ALG14: variants seen among roughly 807,000 people sequenced by gnomAD.
The protein encoded by ALG14 is ALG14 UDP-N-acetylglucosaminyltransferase subunit.
In ALG14, 17 loss-of-function variants were observed where a neutral mutation model predicts 22.8. That is an observed-to-expected ratio of 0.75 (90% CI 0.51 to 1.12). The LOEUF (loss-of-function observed/expected upper bound fraction) is 1.12, where lower values mean the gene tolerates loss of function less well. ALG14 is among the 50% of genes most tolerant of loss of function. The probability of loss-of-function intolerance (pLI) is 0.00; values close to 1 mark genes in which losing one functional copy is unlikely to be tolerated. For missense variants in ALG14, 288 were observed against 271.8 expected (o/e 1.06, Z -0.42); for synonymous variants, 89 against 103.7 (o/e 0.86, Z 0.86).
chr1:95,019,665 A>C (rs866431223), intron 3 of ALG14, among the ~76,000 whole-genome samples: 2 of 152,142 alleles, frequency 1.3e-5, no homozygotes, highest in African/African-American at 4.8e-5. Context: ...TGGAATTTCA[A>C]ATTGCATGCT....
chr1:95,005,775 T>C (rs1470913124), intron 3 of ALG14, among the ~76,000 whole-genome samples: 1 of 152,174 alleles, frequency 6.6e-6, no homozygotes, highest in Non-Finnish European at 1.5e-5. Context: ...GGGATTTGTG[T>C]TTGTTATGGT....
chr1:95,068,136 G>A (rs1050841050), intron 1 of ALG14, among the ~76,000 whole-genome samples: 55 of 152,272 alleles, frequency 3.6e-4, no homozygotes, highest in African/African-American at 1.3e-3. Flanking sequence ...GCAGGGATTT[G>A]TGTTTGTTAC....
At chr1:95,012,163 GA>G (rs1471875423) in intron 3 of ALG14, among the ~76,000 whole-genome samples, 1 of 152,142 alleles carries the variant, frequency 6.6e-6, no homozygotes, top group Non-Finnish European at 1.5e-5. Context: ...CAGCTACATG[GA>G]ACTGTGAGTC....
chr1:95,056,106 C>G (rs1418210649), intron 2 of ALG14, among the ~76,000 whole-genome samples: 1 of 151,246 alleles, frequency 6.6e-6, no homozygotes, highest in African/African-American at 2.4e-5. Flanking sequence ...ACAAACAAAC[C>G]AGTTAACAGA....
At chr1:95,024,006 A>G (rs1673740741) in intron 3 of ALG14, among the ~76,000 whole-genome samples, 1 of 152,238 alleles carries the variant, frequency 6.6e-6, no homozygotes, top group Non-Finnish European at 1.5e-5. Context: ...TTTTTCCCCC[A>G]ACATAAGCAG....
At chr1:95,033,420 T>TATACACAC (rs1553229109) in intron 2 of ALG14, among the ~76,000 whole-genome samples, 47 of 139,666 alleles carry the variant, frequency 3.4e-4, no homozygotes, top group African/African-American at 5.7e-4. Flanking sequence ...TATATATATA[T>TATACACAC]ACACACACAC....
In ALG14 at chr1:95,009,170, G is replaced by A. The variant is rs556231033; in HGVS notation, c.420+17959C>T. On this transcript the variant is annotated intron_variant, in intron 3 of 3. Transcript: ENST00000370205. The stretch of plus-strand genomic sequence containing the variant: ...TCAGTTCTTTTGAGTATATGCCTAG[G>A]AGTAAATTTGCTGGATCATATGGTA... 2.6e-5 allele frequency among the ~76,000 whole-genome samples: 4 copies of A among 151,632 alleles called. No homozygotes were observed. The East Asian group carries it at 7.7e-4, about 29-fold the overall frequency.
chr1:95,007,560 T>C (rs1213455098), intron 3 of ALG14, among the ~76,000 whole-genome samples: 1 of 152,220 alleles, frequency 6.6e-6, no homozygotes, highest in Non-Finnish European at 1.5e-5. Flanking sequence ...AGGCCCCTGA[T>C]TTTTCATCCC....
At chr1:95,053,284 A>G (rs1414473545) in intron 2 of ALG14, among the ~76,000 whole-genome samples, 1 of 152,176 alleles carries the variant, frequency 6.6e-6, no homozygotes, top group East Asian at 1.9e-4. Flanking sequence ...TTTTTTTTAA[A>G]AAAAGCATTA....
At chr1:95,025,623 A>G (rs1673789838) in intron 3 of ALG14, among the ~76,000 whole-genome samples, 1 of 152,224 alleles carries the variant, frequency 6.6e-6, no homozygotes, top group South Asian at 2.1e-4. Context: ...TATCTTAACT[A>G]GATTTTCTGG....
intron 3 of ALG14, among the ~76,000 whole-genome samples, chr1:95,001,039 C>A (rs576721652): frequency 6.6e-6 from 1 of 152,268 alleles, no homozygotes; most frequent in African/African-American, 2.4e-5. Context: ...AACAGGCTTG[C>A]AATATTTATT....
intron 1 of ALG14, among the ~76,000 whole-genome samples, chr1:95,070,882 C>T (rs1328302288): frequency 6.6e-6 from 1 of 152,082 alleles, no homozygotes; most frequent in Non-Finnish European, 1.5e-5. Context: ...ACTATAGGTG[C>T]ATGCCACCAC....
At chr1:95,023,153 G>A (rs1280350310) in intron 3 of ALG14, among the ~76,000 whole-genome samples, 1 of 151,262 alleles carries the variant, frequency 6.6e-6, no homozygotes, top group Non-Finnish European at 1.5e-5. Context: ...TTTTGAGACG[G>A]AGTCTTACTC....
rs182468471 is a variant in ALG14 at position 95,012,655 on chromosome 1, T to C, written c.420+14474A>G. On this transcript the variant is annotated intron_variant, in intron 3 of 3. Coordinates refer to ENST00000370205, the MANE Select transcript of ALG14 (RefSeq NM_144988.4). ...TCTCCTTGAGAACATCTGTGGTCCA[T>C]GGTCAACGGGACCTGTTCCAGGAGC... Among the ~76,000 whole-genome samples, 461 of 152,336 alleles carry C rather than the reference T, an allele frequency of 3.0e-3. 1 individual carries two copies. The highest frequency in any genetic ancestry group is 0.011 in the African/African-American group (446 of 41,576).
chr1:94,983,257 A>G lies in ALG14; in HGVS notation c.470T>C (p.Leu157Pro), dbSNP rs1203718866. ...CTTTATTCCTAGTATCCCAAGGAGA[A>G]GGGCAGATACACAGATAGGAACACA... ...GTCVPICVSA[L>P]LLGILGIKKV... The change falls in exon 4 of 4, where the codon CTT (leucine) becomes CCT (proline). Residue 157 changes from leucine (L) to proline (P), a missense_variant. Transcript: ENST00000370205. 2.5e-6 allele frequency: 4 copies of G among 1,614,056 alleles called. No homozygotes were observed. The highest frequency in any genetic ancestry group is 1.7e-6 in the Non-Finnish European group (2 of 1,180,028).
intron 3 of ALG14, among the ~76,000 whole-genome samples, chr1:94,987,844 A>T (rs908201718): frequency 4.6e-5 from 7 of 152,210 alleles, no homozygotes; most frequent in Non-Finnish European, 8.8e-5. Context: ...AGAGCATATG[A>T]AGGTAAGACT....
At chr1:95,035,873 C>T (rs762912269) in intron 2 of ALG14, 17 of 152,164 alleles carry the variant, frequency 1.1e-4, no homozygotes, top group Non-Finnish European at 1.6e-4. Flanking sequence ...TGCCACACGA[C>T]TGAAAAGTCC....
rs984577976 is a variant in ALG14, at chr1:94,991,267, G to A, written c.421-7961C>T. On this transcript the variant is annotated intron_variant, in intron 3 of 3. Transcript: ENST00000370205. Reference sequence around the variant, plus strand: ...AATAATAGATATGTAGTCATGTGTTGCTTAACAATGGGGATACTTTCTGAG... The same window carrying A: ...AATAATAGATATGTAGTCATGTGTTACTTAACAATGGGGATACTTTCTGAG... Among the ~76,000 whole-genome samples, 43 of 152,300 alleles carry A rather than the reference G, an allele frequency of 2.8e-4. 1 individual carries two copies. Among genetic ancestry groups the A allele is most frequent in the African/African-American group, 1.0e-3 (42 of 41,548 alleles).
chr1:95,062,393 T>C (rs1433207038), intron 2 of ALG14, among the ~76,000 whole-genome samples: 6 of 152,284 alleles, frequency 3.9e-5, no homozygotes, highest in Admixed American at 3.9e-4. Context: ...ATTAATCCAT[T>C]ACCTAGGTAT....
Sources: allele counts gnomAD v4.1 joint callset (sites outside exome capture counted in the v4.1 genomes callset), GRCh38; gene constraint gnomAD v4.1.1; transcripts MANE v1.5; gene names NCBI Gene and HGNC (gene_info 2026-07-23, HGNC 2026-07-21).